NBPF9: variants seen among roughly 807,000 people sequenced by gnomAD.
NBPF9 encodes NBPF member 9.
Under a neutral mutation model 97.8 loss-of-function variants are expected in NBPF9, and 91 were observed. The observed-to-expected ratio is 0.93, with a 90% confidence interval of 0.79 to 1.11. The LOEUF is 1.11. NBPF9 is among the 50% of genes least tolerant of loss of function. The probability of loss-of-function intolerance (pLI) is 0.00; values close to 1 mark genes in which losing one functional copy is unlikely to be tolerated. For synonymous variants in NBPF9, 334 were observed against 359.5 expected, an observed-to-expected ratio of 0.93 and a Z score of 0.80; for missense variants, 992 against 939.5, an observed-to-expected ratio of 1.06 and a Z score of -0.73.
chr1:149,079,711 G>T (rs1161706469), intron 8 of NBPF9, among the ~76,000 whole-genome samples: 4 of 151,564 alleles, frequency 2.6e-5, no homozygotes, highest in Non-Finnish European at 5.9e-5. Context: ...CAGTCAGGAG[G>T]TGATTCTCAC....
chr1:149,059,962 A>G (rs2152866947), intron 24 of NBPF9, 154 bp from the exon 25 acceptor site: 1 of 418,978 alleles, frequency 2.4e-6, no homozygotes, highest in Non-Finnish European at 4.3e-6. Flanking sequence ...AAGGCTGGTT[A>G]TGATAGAAAT....
At chr1:149,099,445 T>A (rs1246250621) in intron 3 of NBPF9, among the ~76,000 whole-genome samples, 1 of 152,252 alleles carries the variant, frequency 6.6e-6, no homozygotes, top group African/African-American at 2.4e-5. Flanking sequence ...GGTATATTAG[T>A]ATGTTCATTC....
intron 5 of NBPF9, among the ~76,000 whole-genome samples, chr1:149,084,700 C>T (rs1185914959): frequency 2.0e-5 from 3 of 151,622 alleles, no homozygotes; most frequent in Admixed American, 6.6e-5. Context: ...GGCCGCCGTC[C>T]CAGGGAAAAC....
rs377305120 is a variant in NBPF9, at chr1:149,072,985, C to T, written c.1092-53G>A. ...AGAGTGGAAAGGGTTGAGTGATCCG[C>T]TCAAATATTGCAACAGAGATTTCTG... On this transcript the variant is annotated intron_variant, in intron 13 of 29. Coordinates refer to ENST00000584027, the Ensembl canonical transcript of NBPF9. The T allele has an allele frequency of 1.1e-4, 174 of 1,575,684 alleles. 5 individuals carry two copies. The highest frequency in any genetic ancestry group is 7.5e-4 in the South Asian group (68 of 90,406).
chr1:149,075,671 G>C lies in NBPF9; in HGVS notation c.972C>G (p.Asn324Lys), dbSNP rs1230580498. ...AGATCTTACTGTATTTGTTCTGCTG[G>C]TTGGCCAGGAAGCCGGCCAGTTGAG... Residue 324 changes from asparagine to lysine, a missense_variant, in exon 12 of 30, where the codon AAC becomes AAG. Coordinates refer to ENST00000584027, the Ensembl canonical transcript of NBPF9. 19 of 1,609,978 alleles carry C rather than the reference G, an allele frequency of 1.2e-5. No homozygotes were observed. The East Asian group carries it at 2.0e-4, about 17-fold the overall frequency.
At chr1:149,063,014 C>G (rs1210648655) in intron 20 of NBPF9, 101 bp from the exon 21 acceptor site, 5 of 594,466 alleles carry the variant, frequency 8.4e-6, no homozygotes, top group African/African-American at 2.1e-5. Context: ...GGCTCCTCAG[C>G]ATGAGAATAG....
chr1:149,089,902 C>T (rs1288156167), intron 5 of NBPF9, among the ~76,000 whole-genome samples: 8 of 152,186 alleles, frequency 5.3e-5, no homozygotes, highest in Non-Finnish European at 7.3e-5. Flanking sequence ...AGAAGAGATG[C>T]TCACAGAGAA....
chr1:149,077,427 G>A lies in NBPF9; in HGVS notation c.567-8C>T. Reference sequence around the variant, plus strand: ...TCAGCCTTCTGCACCTCCCTGATGAGCCAGGTGGGACAGAGATGACAGAAG... The same window carrying A: ...TCAGCCTTCTGCACCTCCCTGATGAACCAGGTGGGACAGAGATGACAGAAG... On this transcript the variant is annotated splice_region_variant and splice_polypyrimidine_tract_variant and intron_variant, in intron 10 of 29. Coordinates refer to ENST00000584027, the Ensembl canonical transcript of NBPF9. The A allele has an allele frequency of 6.2e-7, 1 of 1,608,838 alleles. No homozygotes were observed. Among genetic ancestry groups the A allele is most frequent in the Non-Finnish European group, 8.5e-7 (1 of 1,176,942 alleles).
At chr1:149,063,493 T>G (rs2152875279) in intron 20 of NBPF9, 140 bp downstream of exon 20, 1 of 649,888 alleles carries the variant, frequency 1.5e-6, no homozygotes, top group South Asian at 1.8e-5. Flanking sequence ...GAACTAGAGT[T>G]TCATTCAACG....
chr1:149,064,089 G>T (rs2078854171), intron 19 of NBPF9, among the ~76,000 whole-genome samples: 1 of 137,540 alleles, frequency 7.3e-6, no homozygotes. Flanking sequence ...GGAGTCAAAG[G>T]ACACTCTGTA....
At chr1:149,065,952 C>G (rs1553651618) in intron 17 of NBPF9, 1 of 597,154 alleles carries the variant, frequency 1.7e-6, no homozygotes, top group African/African-American at 1.9e-5. Context: ...TCCCTGTAAA[C>G]TACCATCATG....
In NBPF9 at chr1:149,069,444, C is replaced by T. The variant is rs1192329802; in HGVS notation, c.1637+150G>A. The T allele has an allele frequency of 6.1e-6, 3 of 489,370 alleles. No homozygotes were observed. In the East Asian group the frequency reaches 1.4e-4, roughly 24 times the overall value. The allele number at this position is 489,370 out of a possible 1,614,324, so 30.3% of individuals were successfully genotyped here. ...TATGAAATTAAAACCAATACAAGTG[C>T]CACAAATAACATACAACATTGTAAA... On this transcript the variant is annotated intron_variant, in intron 17 of 29. Transcript: ENST00000584027.
chr1:149,070,548 T>C lies in NBPF9; in HGVS notation c.1585+386A>G, dbSNP rs1394224520. Among the ~76,000 whole-genome samples, 6 of 150,318 alleles carry C rather than the reference T, an allele frequency of 4.0e-5. 1 individual carries two copies. In the East Asian group the frequency reaches 1.4e-3, roughly 35 times the overall value. On this transcript the variant is annotated intron_variant, in intron 16 of 29. Transcript: ENST00000584027. The stretch of plus-strand genomic sequence containing the variant: ...GAGAGCAGTGAAGCCTGGGGAACGA[T>C]ATTTCCAAAAACAAAGGCAAGGCTG...
intron 5 of NBPF9, among the ~76,000 whole-genome samples, chr1:149,083,210 T>A (rs1410482902): frequency 1.4e-5 from 2 of 140,294 alleles, no homozygotes; most frequent in Admixed American, 7.4e-5. Flanking sequence ...ATTGATTGTA[T>A]GATTATCACA....
intron 4 of NBPF9, among the ~76,000 whole-genome samples, chr1:149,097,902 CCTCT>C (rs1399361161): frequency 2.6e-5 from 4 of 152,032 alleles, no homozygotes; most frequent in African/African-American, 4.8e-5. Context: ...TCAAAAGTGG[CCTCT>C]CTTTTAACCC....
chr1:149,086,339 C>G (rs2080999924), intron 5 of NBPF9, among the ~76,000 whole-genome samples: 1 of 150,788 alleles, frequency 6.6e-6, no homozygotes, highest in African/African-American at 2.4e-5. Context: ...AAAAGCCCAC[C>G]AAGAGTTTTG....
intron 5 of NBPF9, among the ~76,000 whole-genome samples, chr1:149,088,101 G>A (rs2081161973): frequency 6.6e-6 from 1 of 152,224 alleles, no homozygotes; most frequent in African/African-American, 2.4e-5. Context: ...AAAGTGCTGA[G>A]ATTACAGGTG....
intron 11 of NBPF9, among the ~76,000 whole-genome samples, chr1:149,076,647 C>T (rs1229163030): frequency 4.0e-5 from 6 of 149,396 alleles, no homozygotes; most frequent in African/African-American, 9.8e-5. Flanking sequence ...GGACTACAGG[C>T]GCCCACCACC....
At chr1:149,082,853 C>G (rs587772517) in intron 5 of NBPF9, among the ~76,000 whole-genome samples, 2 of 148,098 alleles carry the variant, frequency 1.4e-5, no homozygotes, top group African/African-American at 5.0e-5. Context: ...GATCTAGGCT[C>G]ACTGCAAGCT....
Sources: gnomAD v4.1 joint callset for allele counts (sites outside exome capture counted in the v4.1 genomes callset) on GRCh38, gnomAD v4.1.1 for gene constraint, MANE v1.5 for transcripts, NCBI Gene and HGNC (gene_info 2026-07-23, HGNC 2026-07-21) for gene names.